WNK1: variants seen among roughly 807,000 people sequenced by gnomAD.
WNK1 encodes the protein serine/threonine-protein kinase WNK1.
A neutral mutation model predicts 222.8 loss-of-function variants in WNK1; 38 were observed. The observed-to-expected ratio is 0.17, with a 90% confidence interval of 0.13 to 0.22. WNK1 has a LOEUF of 0.22. WNK1 is among the 10% of genes least tolerant of loss of function. The probability of loss-of-function intolerance (pLI) is 1.00; values close to 1 mark genes in which losing one functional copy is unlikely to be tolerated. For synonymous variants in WNK1, 1,090 were observed against 1,092.9 expected (o/e 1.00, Z 0.05); for missense variants, 2,348 against 2,918.4 (o/e 0.80, Z 4.50).
intron 1 of WNK1, among the ~76,000 whole-genome samples, chr12:780,327 G>C (rs1943567307): frequency 6.6e-6 from 1 of 152,222 alleles, no homozygotes; most frequent in East Asian, 1.9e-4. Context: ...GAGATACACT[G>C]ATCACAAAAA....
intron 1 of WNK1, among the ~76,000 whole-genome samples, chr12:766,626 G>A (rs920992152): frequency 2.0e-5 from 3 of 149,748 alleles, no homozygotes; most frequent in Non-Finnish European, 4.4e-5. Context: ...CTACAGGCGC[G>A]CACCACCATG....
In WNK1 at chr12:907,884, C is replaced by T; in HGVS notation, c.6681C>T (p.Asn2227=). The T allele has an allele frequency of 2.5e-6, 4 of 1,614,046 alleles. No individual in the cohort carries two copies. Among genetic ancestry groups the T allele is most frequent in the Non-Finnish European group, 2.5e-6 (3 of 1,180,022 alleles). The change falls in exon 27 of 28, where the codon AAC becomes AAT. Residue 2227 remains asparagine (N), a synonymous_variant. Coordinates refer to ENST00000315939, the MANE Select transcript of WNK1 (RefSeq NM_018979.4). Reference sequence around the variant, plus strand: ...CAAACACTGTTGGGGCAACAGTGAACAGCCAAGCCGCCCAAGCTCAGCCTC... The same window carrying T: ...CAAACACTGTTGGGGCAACAGTGAATAGCCAAGCCGCCCAAGCTCAGCCTC... ...SSTNTVGATV[N]SQAAQAQPPA... is the part of the protein sequence containing the mutation.
At chr12:761,082 G>T (rs889130441) in intron 1 of WNK1, among the ~76,000 whole-genome samples, 3 of 146,988 alleles carry the variant, frequency 2.0e-5, no homozygotes, top group African/African-American at 7.3e-5. Flanking sequence ...GCCGTTCCTG[G>T]TCTATATGTA....
chr12:779,682 G>A (rs10735064), intron 1 of WNK1, among the ~76,000 whole-genome samples: 109,820 of 152,080 alleles, frequency 0.72, 40,176 homozygotes, highest in East Asian at 0.87. Flanking sequence ...GATTACAGGC[G>A]TGAGCCACCG....
chr12:803,430 A>G (rs2153995354), intron 1 of WNK1, among the ~76,000 whole-genome samples: 1 of 152,364 alleles, frequency 6.6e-6, no homozygotes, highest in Non-Finnish European at 1.5e-5. Flanking sequence ...TATTCCAGAT[A>G]GTGGCTCTGG....
intron 4 of WNK1, among the ~76,000 whole-genome samples, chr12:847,417 T>C (rs534564954): frequency 6.6e-6 from 1 of 152,282 alleles, no homozygotes; most frequent in South Asian, 2.1e-4. Flanking sequence ...TAAGACTCAG[T>C]TGACTGAAAA....
At chr12:868,569 C>G (rs1951876775) in intron 8 of WNK1, 1 of 1,613,946 alleles carries the variant, frequency 6.2e-7, no homozygotes, top group East Asian at 2.2e-5. Flanking sequence ...GTCTTTGTTC[C>G]TCATTCTGCG....
chr12:880,632 T>C (rs1953057707), intron 11 of WNK1, 89 bp from the exon 12 acceptor site: 1 of 1,325,592 alleles, frequency 7.5e-7, no homozygotes, highest in Non-Finnish European at 1.1e-6. Flanking sequence ...TGCTGTGTGC[T>C]TCTTTTTTTT....
At chr12:869,144 C>G (rs892826359) in intron 8 of WNK1, 17 of 1,605,768 alleles carry the variant, frequency 1.1e-5, no homozygotes, top group Non-Finnish European at 1.4e-5. Flanking sequence ...AACTACCCTA[C>G]TTTGCACCAT....
At chr12:848,816 A>T (rs1219074315) in intron 4 of WNK1, among the ~76,000 whole-genome samples, 8 of 152,164 alleles carry the variant, frequency 5.3e-5, no homozygotes. Flanking sequence ...GTTGTAATAT[A>T]TTGAAAACTC....
intron 25 of WNK1, 124 bp from the exon 26 acceptor site, chr12:900,352 A>G: frequency 2.0e-6 from 2 of 999,392 alleles, no homozygotes; most frequent in East Asian, 2.5e-5. Context: ...TCTTCTCATC[A>G]GTTTGTAGCT....
intron 19 of WNK1, among the ~76,000 whole-genome samples, chr12:886,892 A>T (rs552893282): frequency 2.6e-5 from 4 of 152,350 alleles, no homozygotes; most frequent in African/African-American, 9.6e-5. Context: ...AGTCTGATAC[A>T]TACTGTACCA....
At chr12:906,590 A>G (rs145732587) in intron 26 of WNK1, 3 of 985,344 alleles carry the variant, frequency 3.0e-6, no homozygotes, top group Non-Finnish European at 3.6e-6. Context: ...CACACCATAC[A>G]GTCCTTTCCT....
Position 892,665 on chromosome 12 carries a change from A to G in WNK1, c.5510-1897A>G, listed in dbSNP as rs562881886. 3.9e-5 allele frequency among the ~76,000 whole-genome samples: 6 copies of G among 152,342 alleles called. No individual in the cohort carries two copies. The South Asian group carries it at 1.2e-3, about 32-fold the overall frequency. ...CGTTTTGCTAATACAAAGAGTTCCT[A>G]AAATTCAACATGAACCAAAAAACAA... On this transcript the variant is annotated intron_variant, in intron 22 of 27. Coordinates refer to ENST00000315939, the MANE Select transcript of WNK1 (RefSeq NM_018979.4).
intron 9 of WNK1, among the ~76,000 whole-genome samples, chr12:876,888 C>G (rs1952667606): frequency 6.6e-6 from 1 of 151,864 alleles, no homozygotes; most frequent in Admixed American, 6.6e-5. Flanking sequence ...AGGTTATGCA[C>G]CAAACGACTA....
intron 9 of WNK1, chr12:877,920 G>A (rs1220264136): frequency 8.5e-5 from 36 of 425,806 alleles, no homozygotes; most frequent in Non-Finnish European, 3.5e-5. Flanking sequence ...GATATGTTAT[G>A]TAAATGTCTT....
chr12:764,864 A>G (rs1031079134), intron 1 of WNK1, among the ~76,000 whole-genome samples: 1 of 147,292 alleles, frequency 6.8e-6, no homozygotes, highest in African/African-American at 2.4e-5. Flanking sequence ...TCACGTGGCT[A>G]TTTCGCTCTT....
At chr12:782,104 T>G (rs1591670928) in intron 1 of WNK1, among the ~76,000 whole-genome samples, 2 of 152,222 alleles carry the variant, frequency 1.3e-5, no homozygotes, top group Admixed American at 1.3e-4. Context: ...CATTTGAGTT[T>G]GAAGTTTCAT....
At chr12:849,061 TAC>T (rs1352744229) in intron 4 of WNK1, among the ~76,000 whole-genome samples, 5 of 152,186 alleles carry the variant, frequency 3.3e-5, no homozygotes, top group African/African-American at 9.7e-5. Context: ...GGCTTGCTCA[TAC>T]AGTTAAGTTA....
Sources: gnomAD v4.1 joint callset for allele counts (sites outside exome capture counted in the v4.1 genomes callset) on GRCh38, gnomAD v4.1.1 for gene constraint, MANE v1.5 for transcripts, NCBI Gene and HGNC (gene_info 2026-07-23, HGNC 2026-07-21) for gene names.